The following SLC25A38 variants were observed in gnomAD, a reference collection of about 807,000 sequenced individuals.
SLC25A38 encodes mitochondrial glycine transporter.
In SLC25A38, 27 loss-of-function variants were observed where a neutral mutation model predicts 33.4. The observed-to-expected ratio is 0.81, with a 90% CI of 0.60 to 1.11. The LOEUF (loss-of-function observed/expected upper bound fraction) is 1.11. Ranked by LOEUF, SLC25A38 falls within the 50% of genes most tolerant of loss-of-function variation. SLC25A38 has a pLI of 0.00. For synonymous variants in SLC25A38, 123 were observed against 145.9 expected (o/e 0.84, Z 1.13); for missense variants, 344 against 388.8 (o/e 0.88, Z 0.97).
In SLC25A38 at chr3:39,383,499, C is replaced by A; in HGVS notation, c.-226C>A. On this transcript the variant is annotated 5_prime_UTR_variant, in exon 1 of 7. Transcript: ENST00000650617. ...AGTCTGCGGCGCGGGTGAAGAGCGG[C>A]GCGTAATTCCCGCAGCAAGATTGTT... The A allele has an allele frequency of 3.4e-6, 2 of 582,916 alleles. No homozygotes were observed. The highest frequency in any genetic ancestry group is 3.1e-6 in the Non-Finnish European group (1 of 324,924). 36.1% of individuals were successfully genotyped at this position (582,916 alleles called of 1,614,324 possible). A position where few individuals can be genotyped will look rare whatever the true frequency, so the allele number is the denominator to read the frequency against.
rs778804260 is a variant in SLC25A38 at position 39,392,043 on chromosome 3, G to C, written c.625+22G>C. ...CATGGTAGGGATAAAGGAAGATCTG[G>C]GGAAGAGCTATCCTTGAGACATCAG... On this transcript the variant is annotated intron_variant, in intron 5 of 6. Coordinates refer to ENST00000650617, the MANE Select transcript of SLC25A38 (RefSeq NM_017875.4). 5 of 1,613,990 alleles carry C rather than the reference G, an allele frequency of 3.1e-6. No homozygotes were observed. The East Asian group carries it at 1.1e-4, about 36-fold the overall frequency.
At chr3:39,384,011 G>A (rs150907810) in intron 1 of SLC25A38, among the ~76,000 whole-genome samples, 7 of 152,230 alleles carry the variant, frequency 4.6e-5, no homozygotes, top group Non-Finnish European at 7.3e-5. Context: ...GGCAGGCGCT[G>A]TAGGGCCGAT....
At chr3:39,394,699 G>T (rs1413514451) in intron 6 of SLC25A38, 123 bp downstream of exon 6, 2 of 1,172,454 alleles carry the variant, frequency 1.7e-6, no homozygotes, top group African/African-American at 3.1e-5. Context: ...CCATGCCCAG[G>T]TTAAAATCTA....
Position 39,389,539 on chromosome 3 carries a change from G to A in SLC25A38, c.114G>A (p.Gly38=). The A allele has an allele frequency of 6.2e-7, 1 of 1,614,166 alleles. No homozygotes were observed. The highest frequency in any genetic ancestry group is 8.5e-7 in the Non-Finnish European group (1 of 1,180,038). ...CTTTCCTGTGTGGCTCCATCAGTGG[G>A]ACCTGCTCTACCCTCCTTTTCCAAC... is the stretch of plus-strand genomic sequence containing the variant. ...IKAFLCGSIS[G]TCSTLLFQPL... Residue 38 remains glycine, a synonymous_variant, in exon 2 of 7, where the codon GGG becomes GGA. Coordinates refer to ENST00000650617, the MANE Select transcript of SLC25A38 (RefSeq NM_017875.4). The surrounding 1 kb of genome is among the most constrained non-coding windows in gnomAD (Gnocchi z 4.5).
At position 39,389,491 on chromosome 3, in the gene SLC25A38, G is replaced by A; in HGVS notation, c.70-4G>A. On this transcript the variant is annotated splice_region_variant and splice_polypyrimidine_tract_variant and intron_variant, in intron 1 of 6. Transcript: ENST00000650617. The surrounding 1 kb of genome is among the most constrained non-coding windows in gnomAD (Gnocchi z 4.5). Reference sequence around the variant, plus strand: ...TACTGACACAATATTGTCTTATCCTGCAGTTACATCCGGTGATCAAGGCTT... The same window carrying A: ...TACTGACACAATATTGTCTTATCCTACAGTTACATCCGGTGATCAAGGCTT... 1.2e-6 allele frequency: 2 copies of A among 1,614,194 alleles called. No individual in the cohort carries two copies. Among genetic ancestry groups the A allele is most frequent in the Non-Finnish European group, 1.7e-6 (2 of 1,180,034 alleles).
chr3:39,396,209 C>CA (rs1362884859), intron 6 of SLC25A38, among the ~76,000 whole-genome samples, 189 bp from the exon 7 acceptor site: 4 of 136,302 alleles, frequency 2.9e-5, no homozygotes, highest in Admixed American at 1.5e-4. Context: ...GACTCTGCCT[C>CA]GGAAAAAAAA....
At chr3:39,386,255 C>T (rs1407203601) in intron 1 of SLC25A38, among the ~76,000 whole-genome samples, 1 of 151,964 alleles carries the variant, frequency 6.6e-6, no homozygotes, top group Non-Finnish European at 1.5e-5. Context: ...GGTTTTATTT[C>T]TGAAAGCAGC....
At chr3:39,387,468 T>C (rs537306982) in intron 1 of SLC25A38, among the ~76,000 whole-genome samples, 1 of 152,130 alleles carries the variant, frequency 6.6e-6, no homozygotes, top group Non-Finnish European at 1.5e-5. Flanking sequence ...GCTTGGTCAG[T>C]GGGACTTGGT....
intron 1 of SLC25A38, chr3:39,384,532 G>T: frequency 2.7e-4 from 93 of 347,800 alleles, no homozygotes; most frequent in Non-Finnish European, 3.1e-4. Flanking sequence ...AATCCTTAAA[G>T]GCGGAGACGG....
At chr3:39,390,667 G>T (rs1411800081) in intron 3 of SLC25A38, among the ~76,000 whole-genome samples, 160 bp downstream of exon 3, 3 of 152,156 alleles carry the variant, frequency 2.0e-5, no homozygotes, top group African/African-American at 2.4e-5. Flanking sequence ...CTGTTTGAAG[G>T]CTCAGGGATA....
intron 6 of SLC25A38, 67 bp downstream of exon 6, chr3:39,394,643 T>TA: frequency 2.5e-6 from 4 of 1,578,926 alleles, no homozygotes; most frequent in Non-Finnish European, 3.5e-6. Flanking sequence ...CAGTAGTTCT[T>TA]ACCCTTCACT....
intron 5 of SLC25A38, among the ~76,000 whole-genome samples, chr3:39,393,008 G>A (rs1215568630): frequency 6.6e-6 from 1 of 152,220 alleles, no homozygotes; most frequent in East Asian, 1.9e-4. Flanking sequence ...TCTGAGGCCT[G>A]GTGCGATGGC....
intron 5 of SLC25A38, among the ~76,000 whole-genome samples, 166 bp from the exon 6 acceptor site, chr3:39,394,244 T>G (rs2125582637): frequency 6.6e-6 from 1 of 152,344 alleles, no homozygotes; most frequent in Admixed American, 6.5e-5. Flanking sequence ...AACTCTATCA[T>G]TCCATCCACA....
chr3:39,392,237 C>T (rs2041779341), intron 5 of SLC25A38, among the ~76,000 whole-genome samples: 1 of 138,728 alleles, frequency 7.2e-6, no homozygotes, highest in African/African-American at 2.6e-5. Flanking sequence ...AGTATTTACA[C>T]CACTATAATT....
chr3:39,393,842 C>T (rs2041801848), intron 5 of SLC25A38, among the ~76,000 whole-genome samples: 1 of 152,176 alleles, frequency 6.6e-6, no homozygotes, highest in Admixed American at 6.5e-5. Flanking sequence ...CAATAATGTA[C>T]TTCGTAGTAG....
chr3:39,383,823 G>C (rs1348155544), intron 1 of SLC25A38, 30 bp downstream of exon 1: 1 of 1,612,962 alleles, frequency 6.2e-7, no homozygotes, highest in Non-Finnish European at 8.5e-7. Context: ...GGAAGGGCAG[G>C]GGTCCGAACC....
At position 39,391,846 on chromosome 3, in the gene SLC25A38, T is replaced by C; in HGVS notation, c.457-7T>C. The C allele has an allele frequency of 6.2e-7, 1 of 1,613,160 alleles. No individual in the cohort carries two copies. On this transcript the variant is annotated splice_region_variant and splice_polypyrimidine_tract_variant and intron_variant, in intron 4 of 6. Transcript: ENST00000650617. ...TGCGAGTCACTGGTTCTGTGCTCTC[T>C]TTGCAGAGTGGGAAATATGGCTATG...
At chr3:39,385,046 T>C (rs11918536) in intron 1 of SLC25A38, among the ~76,000 whole-genome samples, 76,993 of 151,890 alleles carry the variant, frequency 0.51, 19,941 homozygotes, top group African/African-American at 0.59. Flanking sequence ...AAGTGATCCG[T>C]CTGCCTCGGC....
chr3:39,396,385 A>G lies in SLC25A38; in HGVS notation c.793-13A>G. ...CTTTGCTTCCAGAGTTCTGACATTT[A>G]TTTTCACCATAGGACTATGGACTAC... On this transcript the variant is annotated splice_polypyrimidine_tract_variant and intron_variant, in intron 6 of 6. Coordinates refer to ENST00000650617, the MANE Select transcript of SLC25A38 (RefSeq NM_017875.4). 6.2e-7 allele frequency: 1 copy of G among 1,613,976 alleles called. No individual in the cohort carries two copies. Among genetic ancestry groups the G allele is most frequent in the Non-Finnish European group, 8.5e-7 (1 of 1,179,996 alleles).
Sources: allele counts gnomAD v4.1 joint callset (sites outside exome capture counted in the v4.1 genomes callset), GRCh38; gene constraint gnomAD v4.1.1; non-coding constraint Gnocchi (gnomAD v3.1); transcripts MANE v1.5; gene names NCBI Gene and HGNC (gene_info 2026-07-23, HGNC 2026-07-21).